SCN11A: variants seen among roughly 807,000 people sequenced by gnomAD.
SCN11A encodes sodium channel protein type 11 subunit alpha.
In SCN11A, 122 loss-of-function variants were observed where a neutral mutation model predicts 162.2. The ratio of observed to expected loss-of-function variants is 0.75; its 90% confidence interval spans 0.65 to 0.87. The LOEUF (loss-of-function observed/expected upper bound fraction) is 0.87. Ranked by LOEUF, SCN11A falls within the 40% of genes least tolerant of loss-of-function variation. The pLI is 0.00. For synonymous variants in SCN11A, 758 were observed against 751.5 expected, an observed-to-expected ratio of 1.01 and a Z score of -0.14; for missense variants, 2,015 against 2,181.6, an observed-to-expected ratio of 0.92 and a Z score of 1.52.
At chr3:38,912,976 T>C (rs937461427) in intron 11 of SCN11A, among the ~76,000 whole-genome samples, 4 of 152,182 alleles carry the variant, frequency 2.6e-5, no homozygotes, top group Non-Finnish European at 5.9e-5. Flanking sequence ...ATGATTTATA[T>C]TCCTCTGGGT....
chr3:38,998,472 A>AG (rs2030709300), intron 2 of SCN11A, among the ~76,000 whole-genome samples: 2 of 152,318 alleles, frequency 1.3e-5, no homozygotes, highest in African/African-American at 4.8e-5. Context: ...AGGAGTTACT[A>AG]GTTCAACCAT....
intron 5 of SCN11A, among the ~76,000 whole-genome samples, chr3:38,949,336 G>C (rs778574214): frequency 1.3e-5 from 2 of 152,180 alleles, no homozygotes; most frequent in Non-Finnish European, 2.9e-5. Context: ...TCCCTCACTC[G>C]GGAGCCCCTT....
At position 38,978,666 on chromosome 3, in the gene SCN11A, C is replaced by A. The variant is rs190974829; in HGVS notation, c.-279-18243G>T. Among the ~76,000 whole-genome samples the A allele has an allele frequency of 2.6e-5, 4 of 152,040 alleles. No homozygotes were observed. The East Asian group carries it at 5.8e-4, about 22-fold the overall frequency. The stretch of plus-strand genomic sequence containing the variant: ...GTCTCAAAAAAAAAAATTAATAACT[C>A]TTTTCATAAACAGAAAGTAATATAA... On this transcript the variant is annotated intron_variant, in intron 2 of 29. Coordinates refer to ENST00000302328, the MANE Select transcript of SCN11A (RefSeq NM_001349253.2).
chr3:38,957,601 C>G (rs1223309377), intron 3 of SCN11A, among the ~76,000 whole-genome samples: 1 of 152,164 alleles, frequency 6.6e-6, no homozygotes, highest in Non-Finnish European at 1.5e-5. Context: ...TTCATGAGCC[C>G]AGGGGCCAGT....
chr3:38,998,874 A>G (rs1024464950), intron 2 of SCN11A, among the ~76,000 whole-genome samples: 2 of 131,848 alleles, frequency 1.5e-5, no homozygotes, highest in Non-Finnish European at 3.1e-5. Context: ...ACATGGACAC[A>G]GGAAGGGAAA....
At chr3:38,980,100 C>A (rs1279380095) in intron 2 of SCN11A, among the ~76,000 whole-genome samples, 1 of 152,166 alleles carries the variant, frequency 6.6e-6, no homozygotes, top group Non-Finnish European at 1.5e-5. Context: ...CAGTGTTAGT[C>A]CCCACAGCTG....
At chr3:38,949,511 G>T (rs2066568152) in intron 5 of SCN11A, among the ~76,000 whole-genome samples, 1 of 152,144 alleles carries the variant, frequency 6.6e-6, no homozygotes, top group African/African-American at 2.4e-5. Flanking sequence ...ATCAGTTGTT[G>T]GTTTGAGCCC....
chr3:38,919,906 T>C, intron 11 of SCN11A, 29 bp downstream of exon 11: 2 of 1,559,824 alleles, frequency 1.3e-6, no homozygotes, highest in Non-Finnish European at 1.8e-6. Context: ...GTACTCTTCT[T>C]GGGAGGAAAA....
At chr3:38,849,282 T>G (rs1256496094) in intron 29 of SCN11A, 1 of 149,290 alleles carries the variant, frequency 6.7e-6, no homozygotes, top group Non-Finnish European at 1.5e-5. Flanking sequence ...TTTTTTTTTT[T>G]TGCTGCTGTC....
intron 27 of SCN11A, among the ~76,000 whole-genome samples, chr3:38,864,968 G>T (rs1033358327): frequency 1.3e-5 from 2 of 152,124 alleles, no homozygotes; most frequent in African/African-American, 2.4e-5. Context: ...GGTATTTGAT[G>T]AATTTAAAGA....
intron 9 of SCN11A, among the ~76,000 whole-genome samples, chr3:38,922,765 C>T (rs1015418511): frequency 2.6e-5 from 4 of 152,146 alleles, no homozygotes; most frequent in Non-Finnish European, 5.9e-5. Context: ...TATTCAGTTG[C>T]TTTTCTGAAG....
intron 2 of SCN11A, among the ~76,000 whole-genome samples, chr3:38,985,272 C>CA (rs1559564533): frequency 6.7e-6 from 1 of 149,000 alleles, no homozygotes; most frequent in African/African-American, 2.6e-5. Context: ...GGACTACAGG[C>CA]ACCCGCCACT....
chr3:38,866,702 GCCAC>G (rs2065046424), intron 27 of SCN11A, among the ~76,000 whole-genome samples: 1 of 152,110 alleles, frequency 6.6e-6, no homozygotes, highest in African/African-American at 2.4e-5. Flanking sequence ...TCATTTGGTG[GCCAC>G]CTTTGGGTGA....
At chr3:38,976,439 G>C (rs370345140) in intron 2 of SCN11A, among the ~76,000 whole-genome samples, 10 of 152,182 alleles carry the variant, frequency 6.6e-5, no homozygotes, top group African/African-American at 2.4e-4. Flanking sequence ...AATACAGTTA[G>C]AGCATTCATA....
At chr3:38,896,747 T>G in intron 18 of SCN11A, 98 bp downstream of exon 18, 1 of 971,988 alleles carries the variant, frequency 1.0e-6, no homozygotes, top group Non-Finnish European at 1.4e-6. Flanking sequence ...ATATTTAGAA[T>G]AATAATTTTT....
intron 28 of SCN11A, among the ~76,000 whole-genome samples, chr3:38,857,214 T>G (rs555141277): frequency 6.6e-6 from 1 of 152,044 alleles, no homozygotes; most frequent in South Asian, 2.1e-4. Context: ...ATCAAGGAGA[T>G]ACCAAAGAAA....
chr3:38,865,088 T>TA (rs1038818937), intron 27 of SCN11A, among the ~76,000 whole-genome samples: 4 of 151,340 alleles, frequency 2.6e-5, no homozygotes, highest in African/African-American at 7.3e-5. Flanking sequence ...GTTTGCTCCA[T>TA]AAAAAAAAAT....
At chr3:38,891,180 A>G (rs893167453) in intron 19 of SCN11A, among the ~76,000 whole-genome samples, 1 of 152,158 alleles carries the variant, frequency 6.6e-6, no homozygotes, top group Non-Finnish European at 1.5e-5. Flanking sequence ...CTATGACCAT[A>G]TACAATCAAA....
chr3:38,974,698 A>AC (rs1559561695), intron 2 of SCN11A, among the ~76,000 whole-genome samples: 1 of 148,378 alleles, frequency 6.7e-6, no homozygotes, highest in African/African-American at 2.5e-5. Flanking sequence ...CCGTCTCAAA[A>AC]AAAAAAAAAA....
Sources: gnomAD v4.1 joint callset for allele counts (sites outside exome capture counted in the v4.1 genomes callset) on GRCh38, gnomAD v4.1.1 for gene constraint, MANE v1.5 for transcripts, NCBI Gene and HGNC (gene_info 2026-07-23, HGNC 2026-07-21) for gene names.